The following CCNJL variants were observed in gnomAD, a reference collection of about 807,000 sequenced individuals.
CCNJL encodes cyclin-J-like protein.
Under a neutral mutation model 33.4 loss-of-function variants are expected in CCNJL, and 33 were observed. The observed-to-expected ratio is 0.99, with a 90% CI of 0.75 to 1.32. The LOEUF (loss-of-function observed/expected upper bound fraction) is 1.32. Ranked by LOEUF, CCNJL falls within the 40% of genes most tolerant of loss-of-function variation. The probability of loss-of-function intolerance (pLI) is 0.00; values close to 1 mark genes in which losing one functional copy is unlikely to be tolerated. For synonymous variants in CCNJL, 227 were observed against 220.9 expected (o/e 1.03, Z -0.24); for missense variants, 512 against 499.7 (o/e 1.02, Z -0.23).
chr5:160,318,697 G>A (rs1039684686), intron 1 of CCNJL, among the ~76,000 whole-genome samples: 1 of 152,222 alleles, frequency 6.6e-6, no homozygotes, highest in Admixed American at 6.5e-5. Context: ...TTGATTGGAT[G>A]TGCATGTATC....
chr5:160,326,628 A>G, intron 1 of CCNJL: 1 of 659,816 alleles, frequency 1.5e-6, no homozygotes, highest in Non-Finnish European at 2.9e-6. Context: ...GCTACTGATA[A>G]AGTAGGTTCT....
intron 2 of CCNJL, among the ~76,000 whole-genome samples, chr5:160,306,891 A>G (rs188127138): frequency 2.0e-5 from 3 of 152,358 alleles, no homozygotes; most frequent in Admixed American, 6.5e-5. Flanking sequence ...GGTCCAGGCC[A>G]GTAAATCTGC....
At chr5:160,308,486 G>C (rs13166258) in intron 2 of CCNJL, among the ~76,000 whole-genome samples, 1 of 152,128 alleles carries the variant, frequency 6.6e-6, no homozygotes, top group South Asian at 2.1e-4. Flanking sequence ...GGCCAGGCAC[G>C]GTGGCTCACG....
rs1760798695 is a variant in CCNJL, at chr5:160,251,423, A to C, written c.*1955T>G. The C allele has an allele frequency of 6.6e-6, 1 of 152,226 alleles. No homozygotes were observed. The highest frequency in any genetic ancestry group is 2.4e-5 in the African/African-American group (1 of 41,454). 9.4% of individuals were successfully genotyped at this position (152,226 alleles called of 1,614,324 possible). On this transcript the variant is annotated 3_prime_UTR_variant, in exon 6 of 6. Coordinates refer to ENST00000257536, the MANE Select transcript of CCNJL (RefSeq NM_001308173.3). ...ATATATATCCTACTGGTTTCTTTGGAAAAACCCTGAGACGGTGATGGAGCT... is the reference window on the plus strand; with the variant it reads ...ATATATATCCTACTGGTTTCTTTGGCAAAACCCTGAGACGGTGATGGAGCT...
intron 2 of CCNJL, among the ~76,000 whole-genome samples, chr5:160,309,889 C>T (rs1763208158): frequency 6.6e-6 from 1 of 152,144 alleles, no homozygotes; most frequent in African/African-American, 2.4e-5. Flanking sequence ...ACAAACTCAT[C>T]GTCTCTCCGA....
At chr5:160,303,846 A>G (rs1763007445) in intron 2 of CCNJL, among the ~76,000 whole-genome samples, 1 of 152,058 alleles carries the variant, frequency 6.6e-6, no homozygotes, top group East Asian at 1.9e-4. Context: ...CACTCCCTTT[A>G]CCCGAGGGAC....
At chr5:160,279,039 C>T (rs888038945) in intron 3 of CCNJL, among the ~76,000 whole-genome samples, 3 of 152,176 alleles carry the variant, frequency 2.0e-5, no homozygotes, top group African/African-American at 2.4e-5. Flanking sequence ...AATGGGATCA[C>T]GAACAACAGC....
At chr5:160,339,563 G>A in exon 1 of CCNJL, 1 of 441,072 alleles carries the variant, frequency 2.3e-6, no homozygotes, top group Non-Finnish European at 4.6e-6. Flanking sequence ...ATCCATTAGT[G>A]CTGACACAGA....
chr5:160,282,972 T>TATATATATATATATATAC (rs1762267847), intron 2 of CCNJL, among the ~76,000 whole-genome samples: 6 of 44,212 alleles, frequency 1.4e-4, no homozygotes, highest in Non-Finnish European at 1.1e-4. Context: ...TTGGAATATA[T>TATATATATATATATATAC]ATATATATAT....
At chr5:160,297,163 T>A (rs1762771542) in intron 2 of CCNJL, among the ~76,000 whole-genome samples, 3 of 152,212 alleles carry the variant, frequency 2.0e-5, no homozygotes. Flanking sequence ...TATGACTATA[T>A]CTTCAGCTAT....
intron 1 of CCNJL, among the ~76,000 whole-genome samples, chr5:160,333,003 C>T (rs528883392): frequency 4.3e-4 from 66 of 152,250 alleles, no homozygotes; most frequent in East Asian, 1.2e-3. Flanking sequence ...TCTCTTCCTC[C>T]GCTGGGCATG....
intron 2 of CCNJL, among the ~76,000 whole-genome samples, chr5:160,311,444 C>A (rs1458072545): frequency 6.6e-6 from 1 of 152,172 alleles, no homozygotes; most frequent in Non-Finnish European, 1.5e-5. Flanking sequence ...ATCATTATTA[C>A]AATAAATGGA....
intron 2 of CCNJL, among the ~76,000 whole-genome samples, chr5:160,300,290 A>T (rs1479617444): frequency 6.6e-6 from 1 of 152,042 alleles, no homozygotes; most frequent in East Asian, 1.9e-4. Flanking sequence ...GAGCTGGAGG[A>T]GTTTTCCAGC....
At chr5:160,299,894 C>T (rs1346158523) in intron 2 of CCNJL, among the ~76,000 whole-genome samples, 1 of 151,624 alleles carries the variant, frequency 6.6e-6, no homozygotes, top group African/African-American at 2.4e-5. Flanking sequence ...CGCTGTCTAC[C>T]ACGTTGCGTC....
chr5:160,309,226 G>T (rs1342174823), intron 2 of CCNJL, among the ~76,000 whole-genome samples: 1 of 152,228 alleles, frequency 6.6e-6, no homozygotes, highest in Non-Finnish European at 1.5e-5. Context: ...TAAATGAGCA[G>T]ATCAGGGTTT....
In CCNJL at chr5:160,259,776, C is replaced by A. The variant is rs376094977; in HGVS notation, c.281-5G>T. The A allele has an allele frequency of 9.4e-6, 15 of 1,597,818 alleles. No individual in the cohort carries two copies. Among genetic ancestry groups the A allele is most frequent in the Non-Finnish European group, 1.3e-5 (15 of 1,170,640 alleles). ...CTTCCCGATCCTCGAACTTACCTGT[C>A]GGGGAGCAGGGGAAGCAGGGGTTAC... On this transcript the variant is annotated splice_polypyrimidine_tract_variant and splice_region_variant and intron_variant, in intron 3 of 5. Transcript: ENST00000257536.
chr5:160,336,955 T>C (rs1763689572), intron 1 of CCNJL, among the ~76,000 whole-genome samples: 1 of 146,160 alleles, frequency 6.8e-6, no homozygotes, highest in Non-Finnish European at 1.5e-5. Flanking sequence ...CTTGCTGGGA[T>C]TTTTTTTTTC....
At position 160,280,527 on chromosome 5, in the gene CCNJL, G is replaced by C. The variant is rs1167094264; in HGVS notation, c.278C>G (p.Ala93Gly). Residue 93 changes from alanine (A) to glycine (G), a missense_variant and splice_region_variant, in exon 3 of 6, where the codon GCA becomes GGA. Ala to Gly is a moderately conservative substitution (Grantham distance 60). Coordinates refer to ENST00000257536, the MANE Select transcript of CCNJL (RefSeq NM_001308173.3). The part of the protein sequence containing the change: ...YTVAVSCLLL[A>G]SKFEDREDHV... ...GGAAGACGTAGGTTTTCGCTTACTT[G>C]CAAGCAGGAGGCAGGAGACGGCCAC... 1.9e-6 allele frequency: 3 copies of C among 1,611,790 alleles called. No homozygotes were observed. The Admixed American group carries it at 5.0e-5, about 27-fold the overall frequency.
intron 1 of CCNJL, among the ~76,000 whole-genome samples, chr5:160,324,977 G>C (rs954572681): frequency 9.9e-5 from 15 of 152,160 alleles, no homozygotes; most frequent in Admixed American, 7.9e-4. Context: ...CAAGGTACTT[G>C]GTGTGTGTGC....
Sources: gnomAD v4.1 joint callset for allele counts (sites outside exome capture counted in the v4.1 genomes callset) on GRCh38, gnomAD v4.1.1 for gene constraint, MANE v1.5 for transcripts, NCBI Gene and HGNC (gene_info 2026-07-23, HGNC 2026-07-21) for gene names.